The following MAGI2 variants were observed in gnomAD, a reference collection of about 807,000 sequenced individuals.
MAGI2 encodes the protein membrane associated guanylate kinase, WW and PDZ domain containing 2, also known as membrane-associated guanylate kinase, WW and PDZ domain-containing protein 2.
A neutral mutation model predicts 133.3 loss-of-function variants in MAGI2; 35 were observed. The ratio of observed to expected loss-of-function variants is 0.26; its 90% CI spans 0.20 to 0.35. MAGI2 has a LOEUF of 0.35. Among genes scored for constraint, MAGI2 ranks in the 10% least tolerant of loss-of-function variants. MAGI2 has a pLI of 1.00. For missense variants in MAGI2, 1,636 were observed against 1,863.4 expected (o/e 0.88, Z 2.25); for synonymous variants, 729 against 710.6 (o/e 1.03, Z -0.41).
At position 78,186,980 on chromosome 7, in the gene MAGI2, C is replaced by A. The variant is rs1468256515; in HGVS notation, c.2270-1310G>T. ...AGACACATGTATGCAAACCTCTGGT[C>A]AAGAAATACTCAAGAAGCTAAAGAT... is the stretch of plus-strand genomic sequence containing the variant. On this transcript the variant is annotated intron_variant, in intron 12 of 21. Transcript: ENST00000354212. Among the ~76,000 whole-genome samples, 4 of 152,020 alleles carry A rather than the reference C, an allele frequency of 2.6e-5. No homozygotes were observed. The South Asian group carries it at 6.2e-4, about 24-fold the overall frequency.
chr7:79,362,353 C>T (rs1842425083), intron 1 of MAGI2, among the ~76,000 whole-genome samples: 1 of 151,896 alleles, frequency 6.6e-6, no homozygotes, highest in Non-Finnish European at 1.5e-5. Flanking sequence ...AAACTCTCAT[C>T]AAAAAGTGAA....
chr7:78,239,105 C>T (rs1359494980), intron 10 of MAGI2, among the ~76,000 whole-genome samples: 1 of 152,134 alleles, frequency 6.6e-6, no homozygotes, highest in East Asian at 1.9e-4. Flanking sequence ...ATGTCTTTCC[C>T]TGGCCACTCT....
In MAGI2 at chr7:79,416,725, C is replaced by CTTTTTTTTTTT. The variant is rs1176426138; in HGVS notation, c.301+36294_301+36295insAAAAAAAAAAA. Among the ~76,000 whole-genome samples the CTTTTTTTTTTT allele has an allele frequency of 2.7e-3, 277 of 102,390 alleles. 38 individuals carry two copies. Among genetic ancestry groups the CTTTTTTTTTTT allele is most frequent in the East Asian group, 4.2e-3 (13 of 3,132 alleles). 67.2% of individuals were successfully genotyped at this position (102,390 alleles called of 152,430 possible). ...TTCTTTTTTCTTTTCTTTTCTTTTT[C>CTTTTTTTTTTT]TTTTTCTTTTTTTTTTTTTGAGGTG... On this transcript the variant is annotated intron_variant, in intron 1 of 21. Transcript: ENST00000354212.
Position 78,132,955 on chromosome 7 carries a change from G to T in MAGI2, c.3137C>A (p.Thr1046Asn). 1 of 1,613,788 alleles carries T rather than the reference G, an allele frequency of 6.2e-7. No homozygotes were observed. The highest frequency in any genetic ancestry group is 8.5e-7 in the Non-Finnish European group (1 of 1,179,880). ...QSPLAQPSPA[T>N]PNSPIAQPAP... Reference sequence around the variant, plus strand: ...TGGCTGGGCGATGGGGCTGTTGGGGGTGGCTGGGCTTGGCTGGGCCAGGGG... The same window carrying T: ...TGGCTGGGCGATGGGGCTGTTGGGGTTGGCTGGGCTTGGCTGGGCCAGGGG... Residue 1046 changes from threonine to asparagine, a missense_variant, in exon 18 of 22, where the codon ACC (threonine) becomes AAC (asparagine). Transcript: ENST00000354212.
intron 2 of MAGI2, among the ~76,000 whole-genome samples, chr7:78,990,126 T>C (rs957959228): frequency 1.3e-5 from 2 of 152,080 alleles, no homozygotes; most frequent in African/African-American, 2.4e-5. Flanking sequence ...TCTTAATTCA[T>C]TTAATACTCC....
chr7:78,391,952 G>A (rs1795929065), intron 6 of MAGI2, among the ~76,000 whole-genome samples: 1 of 152,196 alleles, frequency 6.6e-6, no homozygotes, highest in African/African-American at 2.4e-5. Flanking sequence ...AAGTTTCAGA[G>A]AAATTGGCTT....
At chr7:78,136,171 A>G (rs1822104947) in intron 16 of MAGI2, among the ~76,000 whole-genome samples, 1 of 149,336 alleles carries the variant, frequency 6.7e-6, no homozygotes. Flanking sequence ...GCTGGAGTGC[A>G]GTGGCGCGAT....
At chr7:78,083,387 G>A (rs868457245) in intron 20 of MAGI2, among the ~76,000 whole-genome samples, 13 of 33,304 alleles carry the variant, frequency 3.9e-4, no homozygotes, top group African/African-American at 6.4e-4. Context: ...AGGGAGGGGG[G>A]GAGAGAGAGA....
intron 1 of MAGI2, among the ~76,000 whole-genome samples, chr7:79,088,139 T>G (rs183318202): frequency 1.2e-4 from 19 of 152,136 alleles, no homozygotes; most frequent in Non-Finnish European, 2.6e-4. Context: ...GGAATGTTTT[T>G]CCATTTGTTT....
intron 2 of MAGI2, among the ~76,000 whole-genome samples, chr7:78,811,609 G>A (rs1003302110): frequency 6.6e-6 from 1 of 152,040 alleles, no homozygotes; most frequent in African/African-American, 2.4e-5. Flanking sequence ...CGCACATAAG[G>A]TGTTTTCATT....
intron 1 of MAGI2, among the ~76,000 whole-genome samples, chr7:79,417,893 C>A (rs1177873967): frequency 6.6e-6 from 1 of 151,956 alleles, no homozygotes; most frequent in Admixed American, 6.6e-5. Context: ...AACTACCCCC[C>A]CAAATGACAG....
At chr7:78,811,302 ATT>A (rs1369022231) in intron 2 of MAGI2, among the ~76,000 whole-genome samples, 1 of 152,040 alleles carries the variant, frequency 6.6e-6, no homozygotes, top group Non-Finnish European at 1.5e-5. Context: ...TTGTATTTTA[ATT>A]TATAACACTT....
At chr7:78,178,941 G>T (rs2150684998) in intron 13 of MAGI2, among the ~76,000 whole-genome samples, 1 of 152,204 alleles carries the variant, frequency 6.6e-6, no homozygotes, top group East Asian at 1.9e-4. Flanking sequence ...CATTTTTTCA[G>T]CCTTAGAAGA....
At chr7:79,254,597 T>C (rs898990015) in intron 1 of MAGI2, among the ~76,000 whole-genome samples, 1 of 152,202 alleles carries the variant, frequency 6.6e-6, no homozygotes, top group Non-Finnish European at 1.5e-5. Flanking sequence ...CCTAAGACAA[T>C]ATTTTGTCCA....
At chr7:78,789,393 G>T (rs1367280518) in intron 2 of MAGI2, among the ~76,000 whole-genome samples, 1 of 152,154 alleles carries the variant, frequency 6.6e-6, no homozygotes, top group Non-Finnish European at 1.5e-5. Flanking sequence ...TCTTACTGGT[G>T]CATGCTTTCT....
chr7:78,454,531 C>T (rs917929048), intron 6 of MAGI2, among the ~76,000 whole-genome samples: 36 of 152,138 alleles, frequency 2.4e-4, no homozygotes, highest in Non-Finnish European at 2.4e-4. Context: ...ACCCTAAACA[C>T]GGTCTTATCA....
At chr7:79,152,411 T>A (rs1436971470) in intron 1 of MAGI2, among the ~76,000 whole-genome samples, 1 of 152,324 alleles carries the variant, frequency 6.6e-6, no homozygotes, top group East Asian at 1.9e-4. Context: ...TATGTCTGAA[T>A]AAATAACTTT....
chr7:78,872,077 G>C lies in MAGI2; in HGVS notation c.418+135013C>G, dbSNP rs150372905. Among the ~76,000 whole-genome samples the C allele has an allele frequency of 3.1e-3, 466 of 148,390 alleles. 4 individuals are homozygous for C. Among genetic ancestry groups the C allele is most frequent in the African/African-American group, 0.011 (442 of 40,528 alleles). On this transcript the variant is annotated intron_variant, in intron 2 of 21. Transcript: ENST00000354212. ...TTAGCTTTTCTCAAAGTATACTTAT[G>C]GAATACTTTTACCTTCTTTCCTCCA...
chr7:78,832,732 C>T (rs1791297242), intron 2 of MAGI2, among the ~76,000 whole-genome samples: 1 of 152,168 alleles, frequency 6.6e-6, no homozygotes, highest in Non-Finnish European at 1.5e-5. Context: ...ATTGTAAATA[C>T]AAAGTGGCAT....
Sources: allele counts gnomAD v4.1 joint callset (sites outside exome capture counted in the v4.1 genomes callset), GRCh38; gene constraint gnomAD v4.1.1; transcripts MANE v1.5; gene names NCBI Gene and HGNC (gene_info 2026-07-23, HGNC 2026-07-21).